NELL2: variants seen among roughly 807,000 people sequenced by gnomAD.
NELL2 encodes protein kinase C-binding protein NELL2.
Under a neutral mutation model 109.6 loss-of-function variants are expected in NELL2, and 41 were observed. That is an observed-to-expected ratio of 0.37 (90% CI 0.29 to 0.49). The LOEUF is 0.49. Ranked by LOEUF, NELL2 falls within the 20% of genes least tolerant of loss-of-function variation. The pLI is 0.98. For synonymous variants in NELL2, 355 were observed against 344.7 expected (o/e 1.03, Z -0.33); for missense variants, 900 against 1,008.3 (o/e 0.89, Z 1.45).
At position 44,871,824 on chromosome 12, in the gene NELL2, G is replaced by A. The variant is rs150593182; in HGVS notation, c.184+3401C>T. The stretch of plus-strand genomic sequence containing the variant: ...AAAGTTTTTTACAAATAACTACTAA[G>A]CTTATTTTCAACTTAACAACTTGTA... On this transcript the variant is annotated intron_variant, in intron 2 of 19. Transcript: ENST00000429094. 9.2e-5 allele frequency among the ~76,000 whole-genome samples: 14 copies of A among 152,068 alleles called. No homozygotes were observed. The East Asian group carries it at 2.3e-3, about 25-fold the overall frequency.
At chr12:44,890,084 T>C (rs886437054) in intron 1 of NELL2, among the ~76,000 whole-genome samples, 1 of 152,212 alleles carries the variant, frequency 6.6e-6, no homozygotes, top group Non-Finnish European at 1.5e-5. Flanking sequence ...TGTTCACATG[T>C]ATCATTTAGT....
intron 15 of NELL2, among the ~76,000 whole-genome samples, chr12:44,556,450 T>C (rs1270620543): frequency 6.6e-6 from 1 of 152,136 alleles, no homozygotes; most frequent in Non-Finnish European, 1.5e-5. Context: ...AATGGCAATC[T>C]TAGTAGGTCA....
chr12:44,517,070 C>CA (rs1373529331), intron 19 of NELL2, among the ~76,000 whole-genome samples: 3 of 149,986 alleles, frequency 2.0e-5, no homozygotes, highest in African/African-American at 7.3e-5. Flanking sequence ...ACACTTTTTC[C>CA]ATGTGGAATT....
At chr12:44,784,442 T>C (rs1942084965) in intron 3 of NELL2, among the ~76,000 whole-genome samples, 1 of 151,830 alleles carries the variant, frequency 6.6e-6, no homozygotes, top group Non-Finnish European at 1.5e-5. Context: ...ACATAGAAAA[T>C]CTCAATAAAT....
At position 44,776,106 on chromosome 12, in the gene NELL2, A is replaced by G; in HGVS notation, c.807T>C (p.Tyr269=). Residue 269 remains tyrosine, a synonymous_variant, in exon 8 of 20, where the codon TAT becomes TAC. Transcript: ENST00000429094. ...CCTTCATGGTGCAAGTCCTTTCACA[A>G]TAGCACTGATCCAATCTATTCATTC... ...EQRMNRLDQC[Y]CERTCTMKGT... The G allele has an allele frequency of 1.9e-6, 3 of 1,614,116 alleles. No homozygotes were observed. Among genetic ancestry groups the G allele is most frequent in the Non-Finnish European group, 2.5e-6 (3 of 1,179,980 alleles).
At chr12:44,542,044 CACA>C (rs1368508611) in intron 15 of NELL2, among the ~76,000 whole-genome samples, 1 of 152,122 alleles carries the variant, frequency 6.6e-6, no homozygotes, top group Non-Finnish European at 1.5e-5. Context: ...TGTCAAATTT[CACA>C]ACAACAAGGA....
intron 13 of NELL2, among the ~76,000 whole-genome samples, chr12:44,642,360 A>G (rs1016138947): frequency 2.0e-5 from 3 of 152,364 alleles, no homozygotes; most frequent in Middle Eastern, 3.4e-3. Context: ...AAAAAAGTCA[A>G]TACACACATA....
intron 15 of NELL2, among the ~76,000 whole-genome samples, chr12:44,581,865 A>C (rs1167723361): frequency 6.6e-6 from 1 of 152,210 alleles, no homozygotes; most frequent in East Asian, 1.9e-4. Context: ...GGCCTAAAAC[A>C]TGGTAAATAT....
intron 9 of NELL2, among the ~76,000 whole-genome samples, chr12:44,756,171 T>C (rs1940880734): frequency 1.3e-5 from 2 of 152,140 alleles, no homozygotes; most frequent in African/African-American, 4.8e-5. Context: ...CTCCCTCCCT[T>C]CTGTTTGTAC....
Position 44,883,346 on chromosome 12 carries a change from C to T in NELL2, c.39-7446G>A, listed in dbSNP as rs76195417. On this transcript the variant is annotated intron_variant, in intron 1 of 20. Transcript: ENST00000333837. ...CCTCCTTCAATCTTCAATCCAGCAA[C>T]AGCAGGCAAAGTCTTTCTCACACTA... Among the ~76,000 whole-genome samples the T allele has an allele frequency of 5.5e-3, 830 of 149,962 alleles. 17 individuals are homozygous for T. Among genetic ancestry groups the T allele is most frequent in the East Asian group, 0.031 (155 of 4,960 alleles).
At chr12:44,898,511 G>T (rs1435955920) in intron 1 of NELL2, among the ~76,000 whole-genome samples, 2 of 152,072 alleles carry the variant, frequency 1.3e-5, no homozygotes, top group East Asian at 3.9e-4. Context: ...TGCAGAAGAG[G>T]GTCCTGACTG....
chr12:44,825,587 G>A (rs1943685837), intron 2 of NELL2, among the ~76,000 whole-genome samples: 1 of 149,474 alleles, frequency 6.7e-6, no homozygotes, highest in Admixed American at 6.6e-5. Flanking sequence ...GTAGAGACGA[G>A]TTTTCACCAT....
intron 15 of NELL2, among the ~76,000 whole-genome samples, chr12:44,589,265 GAA>G (rs199862398): frequency 2.2e-5 from 3 of 136,370 alleles, no homozygotes; most frequent in Admixed American, 7.5e-5. Context: ...CAGTCCAGTG[GAA>G]AAAAAAAAAA....
Position 44,681,879 on chromosome 12 carries a change from C to T in NELL2, c.1319-16270G>A, listed in dbSNP as rs1476915268. 5.3e-5 allele frequency among the ~76,000 whole-genome samples: 8 copies of T among 151,652 alleles called. No homozygotes were observed. The South Asian group carries it at 1.0e-3, about 20-fold the overall frequency. On this transcript the variant is annotated intron_variant, in intron 12 of 19. Coordinates refer to ENST00000429094, the MANE Select transcript of NELL2 (RefSeq NM_001145108.2). Reference sequence around the variant, plus strand: ...TGTGAATAATGCCGCAATAAACATACGTGTGCATGTGTCTTTATAGCAGCA... The same window carrying T: ...TGTGAATAATGCCGCAATAAACATATGTGTGCATGTGTCTTTATAGCAGCA...
chr12:44,755,034 C>A (rs191783385), intron 9 of NELL2, among the ~76,000 whole-genome samples: 1 of 152,300 alleles, frequency 6.6e-6, no homozygotes, highest in African/African-American at 2.4e-5. Flanking sequence ...TTGTGATTCT[C>A]TTTTCACATA....
chr12:44,795,455 T>C (rs1942585092), intron 3 of NELL2, among the ~76,000 whole-genome samples: 1 of 152,154 alleles, frequency 6.6e-6, no homozygotes, highest in Non-Finnish European at 1.5e-5. Context: ...GGATTCAATG[T>C]GATAATCCAC....
At chr12:44,718,010 G>A (rs574471705) in intron 9 of NELL2, among the ~76,000 whole-genome samples, 5 of 152,314 alleles carry the variant, frequency 3.3e-5, no homozygotes, top group African/African-American at 1.2e-4. Context: ...AAGAGGTCTA[G>A]TTTACCAGGA....
intron 15 of NELL2, among the ~76,000 whole-genome samples, chr12:44,576,756 T>C (rs1214210363): frequency 6.6e-6 from 1 of 152,052 alleles, no homozygotes; most frequent in Non-Finnish European, 1.5e-5. Context: ...CCATGTGACC[T>C]CATTGTTCAA....
intron 12 of NELL2, among the ~76,000 whole-genome samples, chr12:44,687,066 G>A (rs927884843): frequency 6.6e-6 from 1 of 152,176 alleles, no homozygotes; most frequent in Non-Finnish European, 1.5e-5. Context: ...GACTCCACGG[G>A]CATAGGACCC....
Sources: gnomAD v4.1 joint callset for allele counts (sites outside exome capture counted in the v4.1 genomes callset) on GRCh38, gnomAD v4.1.1 for gene constraint, MANE v1.5 for transcripts, NCBI Gene and HGNC (gene_info 2026-07-23, HGNC 2026-07-21) for gene names.